The following ARHGEF40 variants were observed in gnomAD, a reference collection of about 807,000 sequenced individuals.
ARHGEF40 encodes the protein Rho guanine nucleotide exchange factor 40.
A neutral mutation model predicts 165.9 loss-of-function variants in ARHGEF40; 98 were observed. That is an observed-to-expected ratio of 0.59 (90% CI 0.50 to 0.70). The LOEUF is 0.70. ARHGEF40 is among the 30% of genes least tolerant of loss of function. ARHGEF40 has a pLI of 0.00. For missense variants in ARHGEF40, 1,815 were observed against 1,968.0 expected (o/e 0.92, Z 1.47); for synonymous variants, 792 against 814.3 (o/e 0.97, Z 0.47).
At position 21,076,624 on chromosome 14, in the gene ARHGEF40, C is replaced by T. The variant is rs1226483796; in HGVS notation, c.1898C>T (p.Thr633Ile). The T allele has an allele frequency of 6.2e-7, 1 of 1,614,096 alleles. No homozygotes were observed. The highest frequency in any genetic ancestry group is 8.5e-7 in the Non-Finnish European group (1 of 1,180,024). The change falls in exon 7 of 24, where the codon ACT (threonine) becomes ATT (isoleucine). Residue 633 changes from threonine to isoleucine, a missense_variant. By Grantham distance (89) the Thr-to-Ile change is moderately conservative (BLOSUM62 -1). Coordinates refer to ENST00000298694, the MANE Select transcript of ARHGEF40 (RefSeq NM_018071.5). ...LLILIHDDLP[T>I]ELCGFQGAEV... The stretch of plus-strand genomic sequence containing the variant: ...ATTCTCATTCATGATGACCTTCCAA[C>T]TGAACTCTGTGGATTTCAGGTTTGA...
Position 21,075,798 on chromosome 14 carries a change from CTAACCT to C in ARHGEF40, c.1739+34_1739+39del. ...AGGCCCAGTCCTGGCACCCTGGACA[CTAACCT>C]CCTGATTCATGAGGACCCTCACCTC... is the stretch of plus-strand genomic sequence containing the variant. On this transcript the variant is annotated intron_variant, in intron 5 of 23. Coordinates refer to ENST00000298694, the MANE Select transcript of ARHGEF40 (RefSeq NM_018071.5). This position sits in a 1 kb window ranked among gnomAD's most constrained non-coding sequence, Gnocchi z 4.5. The C allele has an allele frequency of 6.2e-7, 1 of 1,600,986 alleles. No individual in the cohort carries two copies. Among genetic ancestry groups the C allele is most frequent in the Admixed American group, 1.7e-5 (1 of 59,330 alleles).
At position 21,076,675 on chromosome 14, in the gene ARHGEF40, A is replaced by C. The variant is rs748604612; in HGVS notation, c.1917+32A>C. 9.5e-5 allele frequency: 149 copies of C among 1,574,196 alleles called. 3 individuals are homozygous for C. The highest frequency in any genetic ancestry group is 7.5e-4 in the East Asian group (33 of 43,732). ...GCCCTTCATTCCCATCTAGTTTCCC[A>C]TCAGTAGTGGGGAGAGGAGAAGAGG... On this transcript the variant is annotated intron_variant, in intron 7 of 23. Coordinates refer to ENST00000298694, the MANE Select transcript of ARHGEF40 (RefSeq NM_018071.5).
the ARHGEF40 span, among the ~76,000 whole-genome samples, chr14:21,063,244 G>A: frequency 9.9e-5 from 15 of 152,280 alleles, no homozygotes; most frequent in African/African-American, 2.9e-4. Context: ...GTGTGTGTGT[G>A]TATATAAACA....
Position 21,082,305 on chromosome 14 carries a change from A to G in ARHGEF40, c.3313A>G (p.Ser1105Gly). 1 of 1,613,110 alleles carries G rather than the reference A, an allele frequency of 6.2e-7. No individual in the cohort carries two copies. Among genetic ancestry groups the G allele is most frequent in the East Asian group, 2.2e-5 (1 of 44,848 alleles). ...ACEQDYVATLSEPVPPPGPEL... is the reference protein window; with the variant it reads ...ACEQDYVATLGEPVPPPGPEL... ...TGAACAAGATTACGTGGCCACCTTG[A>G]GTGAGCCAGTGCCACCCCCTGGGCC... is the stretch of plus-strand genomic sequence containing the variant. Residue 1105 changes from serine (S) to glycine (G), a missense_variant, in exon 15 of 24, where the codon AGT (serine) becomes GGT (glycine). Transcript: ENST00000298694.
At position 21,088,032 on chromosome 14, in the gene ARHGEF40, A is replaced by C. The variant is rs1594584579; in HGVS notation, c.4452A>C (p.Gln1484His). 2 of 1,612,908 alleles carry C rather than the reference A, an allele frequency of 1.2e-6. No individual in the cohort carries two copies. Among genetic ancestry groups the C allele is most frequent in the Non-Finnish European group, 1.7e-6 (2 of 1,179,710 alleles). The change falls in exon 22 of 24, where the codon CAA becomes CAC. Residue 1484 changes from glutamine (Q) to histidine (H), a missense_variant. Gln to His is a conservative substitution (Grantham distance 24). Transcript: ENST00000298694. ...SPGPRNSPSL[Q>H]PPHPGSSTPT... ...GACCAAGAAACAGCCCCAGCCTGCA[A>C]CCCCCCCACCCTGGGAGCAGCACTC...
intron 21 of ARHGEF40, chr14:21,087,717 C>G (rs1888471354): frequency 1.5e-6 from 1 of 685,320 alleles, no homozygotes; most frequent in Non-Finnish European, 2.4e-6. Context: ...ACTGCCTCAG[C>G]TTCCTGTTGT....
intron 13 of ARHGEF40, 123 bp downstream of exon 13, chr14:21,081,139 C>A: frequency 1.4e-6 from 2 of 1,456,384 alleles, no homozygotes; most frequent in Non-Finnish European, 1.8e-6. Context: ...TAGGTTTTTG[C>A]TCTTAGCTCT....
chr14:21,084,742 C>G lies in ARHGEF40; in HGVS notation c.3790-11C>G. 1 of 1,607,700 alleles carries G rather than the reference C, an allele frequency of 6.2e-7. No individual in the cohort carries two copies. Among genetic ancestry groups the G allele is most frequent in the Non-Finnish European group, 8.5e-7 (1 of 1,177,996 alleles). ...CCCTGGGCCAACCACTTTTCCTTTT[C>G]CTTTCTCCAGATAGATCTGAAGGAG... On this transcript the variant is annotated splice_polypyrimidine_tract_variant and intron_variant, in intron 17 of 23. Coordinates refer to ENST00000298694, the MANE Select transcript of ARHGEF40 (RefSeq NM_018071.5).
chr14:21,081,623 T>C lies in ARHGEF40; in HGVS notation c.2755T>C (p.Phe919Leu). 1 of 1,610,632 alleles carries C rather than the reference T, an allele frequency of 6.2e-7. No individual in the cohort carries two copies. Among genetic ancestry groups the C allele is most frequent in the Non-Finnish European group, 8.5e-7 (1 of 1,178,984 alleles). ...RRAPEPSAGT[F>L]QEMRALALDL... ...GGCCCCAGAGCCCAGTGCCGGCACC[T>C]TCCAGGAGATGCGGGCCCTGGCCCT... The change falls in exon 14 of 24, where the codon TTC becomes CTC. Residue 919 changes from phenylalanine to leucine, a missense_variant. Physicochemically the swap from Phe to Leu is conservative, Grantham distance 22. Coordinates refer to ENST00000298694, the MANE Select transcript of ARHGEF40 (RefSeq NM_018071.5).
At chr14:21,065,633 C>T (rs1326085274), upstream of ARHGEF40, among the ~76,000 whole-genome samples, 4 of 152,108 alleles carry the variant, frequency 2.6e-5, no homozygotes, top group African/African-American at 4.8e-5. Flanking sequence ...CCACTTTAGA[C>T]CAGGTGGCCA....
At position 21,070,983 on chromosome 14, in the gene ARHGEF40, T is replaced by C; in HGVS notation, c.3+584T>C. ...GCAGAGAAAAAGAGCTGCCTCAGGA[T>C]AGTTGGGGGTGCTTGGGGGGGAGCT... On this transcript the variant is annotated intron_variant, in intron 1 of 23. Coordinates refer to ENST00000298694, the MANE Select transcript of ARHGEF40 (RefSeq NM_018071.5). This position sits in a 1 kb window ranked among gnomAD's most constrained non-coding sequence, Gnocchi z 4.7. 1.1e-6 allele frequency: 1 copy of C among 950,254 alleles called. No homozygotes were observed. Among genetic ancestry groups the C allele is most frequent in the Non-Finnish European group, 1.6e-6 (1 of 627,768 alleles). The allele number at this position is 950,254 out of a possible 1,614,324, so 58.9% of individuals were successfully genotyped here.
At chr14:21,071,417 G>A (rs1221471480) in intron 1 of ARHGEF40, among the ~76,000 whole-genome samples, 1 of 152,166 alleles carries the variant, frequency 6.6e-6, no homozygotes, top group Non-Finnish European at 1.5e-5. Flanking sequence ...AGGGAGTGGA[G>A]GAGGGGCAGG....
In ARHGEF40 at chr14:21,075,204, C is replaced by T. The variant is rs1264220294; in HGVS notation, c.1450+24C>T. On this transcript the variant is annotated intron_variant, in intron 3 of 23. Transcript: ENST00000298694. This position sits in a 1 kb window ranked among gnomAD's most constrained non-coding sequence, Gnocchi z 4.5. ...AGGTGAGATGACACGGAGTGAGGCT[C>T]ATGGGGCAAGGGCCAAAGCAGGTCG... The T allele has an allele frequency of 2.5e-6, 4 of 1,583,182 alleles. No individual in the cohort carries two copies. The highest frequency in any genetic ancestry group is 1.8e-5 in the Admixed American group (1 of 57,114).
At chr14:21,062,746 T>TGTGTGTGTGTGTGTGTGTGTGTGTGTGTG in the ARHGEF40 span, among the ~76,000 whole-genome samples, 2 of 148,344 alleles carry the variant, frequency 1.3e-5, no homozygotes, top group East Asian at 2.0e-4. Context: ...TGTGTGTGTG[T>TGTGTGTGTGTGTGTGTGTGTGTGTGTGTG]TTTGTTATTT....
At position 21,075,363 on chromosome 14, in the gene ARHGEF40, C is replaced by T. The variant is rs755730072; in HGVS notation, c.1482C>T (p.Asp494=). ...CAGGCCCAGAAGGCCCCCTGTCTGA[C>T]ACTCCAACACCTCCGCTGGAGACTG... ...GHTGPEGPLS[D]TPTPPLETVQ... Residue 494 remains aspartate (D), a synonymous_variant, in exon 4 of 24, where the codon GAC becomes GAT. Coordinates refer to ENST00000298694, the MANE Select transcript of ARHGEF40 (RefSeq NM_018071.5). The surrounding 1 kb of genome is among the most constrained non-coding windows in gnomAD (Gnocchi z 4.5). 4 of 1,614,046 alleles carry T rather than the reference C, an allele frequency of 2.5e-6. No homozygotes were observed. Among genetic ancestry groups the T allele is most frequent in the African/African-American group, 1.3e-5 (1 of 74,938 alleles).
Position 21,076,731 on chromosome 14 carries a change from C to A in ARHGEF40, c.1918-43C>A, listed in dbSNP as rs1887457480. 4 of 1,610,500 alleles carry A rather than the reference C, an allele frequency of 2.5e-6. No individual in the cohort carries two copies. The East Asian group carries it at 6.7e-5, about 27-fold the overall frequency. The stretch of plus-strand genomic sequence containing the variant: ...TGGAGCCCCAGGCTGGTTTCTGAGT[C>A]CTTGGGTGCCCAGGAAGAAACCCCC... On this transcript the variant is annotated intron_variant, in intron 7 of 23. Coordinates refer to ENST00000298694, the MANE Select transcript of ARHGEF40 (RefSeq NM_018071.5).
rs1318355659 is a variant in ARHGEF40, at chr14:21,075,867, C to G, written c.1739+102C>G. Reference sequence around the variant, plus strand: ...ACACTGACCTTCTGACCTCTAAGGACACCTACTTCTTCAACCTTCAGACTT... The same window carrying G: ...ACACTGACCTTCTGACCTCTAAGGAGACCTACTTCTTCAACCTTCAGACTT... On this transcript the variant is annotated intron_variant, in intron 5 of 23. Transcript: ENST00000298694. The surrounding 1 kb of genome is among the most constrained non-coding windows in gnomAD (Gnocchi z 4.5). The G allele has an allele frequency of 7.0e-7, 1 of 1,429,256 alleles. No homozygotes were observed. The highest frequency in any genetic ancestry group is 2.2e-5 in the Admixed American group (1 of 44,874). 88.5% of individuals were successfully genotyped at this position (1,429,256 alleles called of 1,614,324 possible).
At position 21,075,229 on chromosome 14, in the gene ARHGEF40, G is replaced by A. The variant is rs760977302; in HGVS notation, c.1450+49G>A. 56 of 1,584,142 alleles carry A rather than the reference G, an allele frequency of 3.5e-5. No homozygotes were observed. The highest frequency in any genetic ancestry group is 6.7e-5 in the East Asian group (3 of 44,694). ...CATGGGGCAAGGGCCAAAGCAGGTC[G>A]GGCCTATGGGAGGGGGCAGGAGGAG... On this transcript the variant is annotated intron_variant, in intron 3 of 23. Transcript: ENST00000298694. This position sits in a 1 kb window ranked among gnomAD's most constrained non-coding sequence, Gnocchi z 4.5.
At chr14:21,085,051 G>A in intron 18 of ARHGEF40, 128 bp downstream of exon 18, 2 of 1,214,186 alleles carry the variant, frequency 1.6e-6, no homozygotes, top group Non-Finnish European at 2.3e-6. Flanking sequence ...GCTTTGGCTT[G>A]TAATCGACTA....
Sources: gnomAD v4.1 joint callset for allele counts (sites outside exome capture counted in the v4.1 genomes callset) on GRCh38, gnomAD v4.1.1 for gene constraint, Gnocchi (gnomAD v3.1) non-coding constraint, MANE v1.5 for transcripts, NCBI Gene and HGNC (gene_info 2026-07-23, HGNC 2026-07-21) for gene names.